ZNF227: variants seen among roughly 807,000 people sequenced by gnomAD.
ZNF227 encodes the protein zinc finger protein 227.
A neutral mutation model predicts 13.2 loss-of-function variants in ZNF227; 12 were observed. That is an observed-to-expected ratio of 0.91 (90% CI 0.58 to 1.47). ZNF227 has a LOEUF of 1.47. Among genes scored for constraint, ZNF227 ranks in the 40% most tolerant of loss-of-function variants. The pLI is 0.00. For synonymous variants in ZNF227, 338 were observed against 326.0 expected, an observed-to-expected ratio of 1.04 and a Z score of -0.40; for missense variants, 885 against 967.5, an observed-to-expected ratio of 0.91 and a Z score of 1.13.
chr19:44,230,995 C>G (rs1197448808), intron 5 of ZNF227, among the ~76,000 whole-genome samples: 1 of 144,418 alleles, frequency 6.9e-6, no homozygotes, highest in Non-Finnish European at 1.5e-5. Context: ...GTCCCAGCTA[C>G]TTGGGAGGAG....
chr19:44,231,239 G>C (rs547233722), intron 5 of ZNF227, among the ~76,000 whole-genome samples: 76 of 151,556 alleles, frequency 5.0e-4, no homozygotes, highest in African/African-American at 1.7e-3. Context: ...CTCAGCCTCC[G>C]AAGTTACTGG....
intron 3 of ZNF227, among the ~76,000 whole-genome samples, chr19:44,220,631 T>G (rs548430890): frequency 6.6e-6 from 1 of 152,278 alleles, no homozygotes; most frequent in South Asian, 2.1e-4. Context: ...CTAGTCCTAC[T>G]CACTGGATAT....
chr19:44,216,679 C>G (rs576332061), intron 2 of ZNF227, among the ~76,000 whole-genome samples: 1 of 64,514 alleles, frequency 1.6e-5, no homozygotes, highest in Non-Finnish European at 2.6e-5. Flanking sequence ...CTTGATTTTT[C>G]GTTTGTGCTT....
chr19:44,213,945 C>T (rs553855223), intron 2 of ZNF227, among the ~76,000 whole-genome samples: 2 of 152,304 alleles, frequency 1.3e-5, no homozygotes, highest in South Asian at 4.1e-4. Flanking sequence ...GCCATGTGTG[C>T]CCTAGGAGCA....
Position 44,233,778 on chromosome 19 carries a change from C to T in ZNF227, c.272-924C>T, listed in dbSNP as rs576995395. On this transcript the variant is annotated intron_variant, in intron 5 of 5. Coordinates refer to ENST00000313040, the MANE Select transcript of ZNF227 (RefSeq NM_182490.3). ...GAGTGTAGTGGCATGCGCCAGTAAT[C>T]CCCGCTACCCGGGAGGCTGAGGAGG... is the stretch of plus-strand genomic sequence containing the variant. Among the ~76,000 whole-genome samples, 9 of 152,206 alleles carry T rather than the reference C, an allele frequency of 5.9e-5. No individual in the cohort carries two copies. In the South Asian group the frequency reaches 1.5e-3, roughly 25 times the overall value.
At chr19:44,211,813 C>CTT (rs1176772105), upstream of ZNF227, among the ~76,000 whole-genome samples, 662 of 119,586 alleles carry the variant, frequency 5.5e-3, 4 homozygotes, top group Middle Eastern at 0.026. Flanking sequence ...TTCCTCTGCC[C>CTT]TTTTTTTTTT....
At chr19:44,231,670 A>G (rs1164929462) in intron 5 of ZNF227, among the ~76,000 whole-genome samples, 2 of 152,198 alleles carry the variant, frequency 1.3e-5, no homozygotes, top group African/African-American at 4.8e-5. Flanking sequence ...CAAAAAACTT[A>G]CAGAGAATGG....
At chr19:44,212,695 G>GGAGGCCGA (rs1971460864) in intron 1 of ZNF227, 110 bp downstream of exon 1, 1 of 152,254 alleles carries the variant, frequency 6.6e-6, no homozygotes, top group Admixed American at 6.5e-5. Flanking sequence ...CGGCCGCGGC[G>GGAGGCCGA]GAGGCCGAGA....
At position 44,222,312 on chromosome 19, in the gene ZNF227, A is replaced by G. The variant is rs535164249; in HGVS notation, c.60+4460A>G. Among the ~76,000 whole-genome samples, 7 of 152,304 alleles carry G rather than the reference A, an allele frequency of 4.6e-5. No homozygotes were observed. In the East Asian group the frequency reaches 1.3e-3, roughly 29 times the overall value. ...CTATTCTGTGAAGAAAGTCATTGGTAGCTTGATGGGGATGGCATTGAATCT... is the reference window on the plus strand; with the variant it reads ...CTATTCTGTGAAGAAAGTCATTGGTGGCTTGATGGGGATGGCATTGAATCT... On this transcript the variant is annotated intron_variant, in intron 3 of 5. Transcript: ENST00000313040.
intron 3 of ZNF227, among the ~76,000 whole-genome samples, chr19:44,223,756 C>CTATT (rs982950552): frequency 2.6e-4 from 40 of 152,076 alleles, no homozygotes; most frequent in Middle Eastern, 3.4e-3. Flanking sequence ...TTTTGTGTCT[C>CTATT]TATTTCCTTC....
chr19:44,211,211 AACAACAACAACAAC>A (rs1332367489), upstream of ZNF227, among the ~76,000 whole-genome samples: 2 of 51,698 alleles, frequency 3.9e-5, no homozygotes, highest in Admixed American at 2.3e-4. Flanking sequence ...TAACAACAAC[AACAACAACAACAAC>A]AACAAAACAG....
Position 44,235,535 on chromosome 19 carries a change from T to C in ZNF227, c.1105T>C (p.Cys369Arg), listed in dbSNP as rs2122976770. 1 of 1,614,104 alleles carries C rather than the reference T, an allele frequency of 6.2e-7. No individual in the cohort carries two copies. Among genetic ancestry groups the C allele is most frequent in the South Asian group, 1.1e-5 (1 of 91,076 alleles). ...CTTTAGTCAAAGTTCAAATTTTCAG[T>C]GCCATCAGAGAGTCCACACTGAAGA... ...KCFSQSSNFQ[C>R]HQRVHTEEKP... Residue 369 changes from cysteine to arginine, a missense_variant, in exon 6 of 6, where the codon TGC (cysteine) becomes CGC (arginine). Transcript: ENST00000313040.
upstream of ZNF227, among the ~76,000 whole-genome samples, chr19:44,212,245 A>C (rs952781943): frequency 2.6e-5 from 4 of 151,936 alleles, no homozygotes; most frequent in African/African-American, 9.7e-5. Context: ...CACTGACATC[A>C]GAGAACTGCT....
chr19:44,211,571 C>T (rs1470661115), upstream of ZNF227, among the ~76,000 whole-genome samples: 1 of 152,086 alleles, frequency 6.6e-6, no homozygotes, highest in Non-Finnish European at 1.5e-5. Flanking sequence ...TTACAGAGGC[C>T]CTAGTTGCTT....
At position 44,236,347 on chromosome 19, in the gene ZNF227, G is replaced by A; in HGVS notation, c.1917G>A (p.Lys639=). The A allele has an allele frequency of 6.2e-7, 1 of 1,614,158 alleles. No individual in the cohort carries two copies. Among genetic ancestry groups the A allele is most frequent in the African/African-American group, 1.3e-5 (1 of 75,028 alleles). ...EKPYKCGVCG[K]GFSQSSGLQS... ...CATACAAATGTGGTGTCTGTGGTAA[G>A]GGCTTCAGTCAGTCCTCTGGTCTTC... The change falls in exon 6 of 6, where the codon AAG becomes AAA. Residue 639 remains lysine, a synonymous_variant. Coordinates refer to ENST00000313040, the MANE Select transcript of ZNF227 (RefSeq NM_182490.3).
At chr19:44,218,834 CAA>C (rs2122714334) in intron 3 of ZNF227, among the ~76,000 whole-genome samples, 1 of 152,314 alleles carries the variant, frequency 6.6e-6, no homozygotes, top group South Asian at 2.1e-4. Context: ...GCAGACAGAA[CAA>C]AAGAGTTTTC....
upstream of ZNF227, among the ~76,000 whole-genome samples, chr19:44,210,175 T>C (rs937690000): frequency 6.6e-6 from 1 of 152,256 alleles, no homozygotes; most frequent in Non-Finnish European, 1.5e-5. Flanking sequence ...TTGCATAGTC[T>C]TCTAGTTTTT....
At chr19:44,226,829 C>T (rs1363928719) in intron 3 of ZNF227, among the ~76,000 whole-genome samples, 1 of 152,188 alleles carries the variant, frequency 6.6e-6, no homozygotes, top group Non-Finnish European at 1.5e-5. Context: ...AACCCAGTAC[C>T]TCAGATGGAA....
chr19:44,236,455 T>C lies in ZNF227; in HGVS notation c.2025T>C (p.Phe675=), dbSNP rs1974517502. The change falls in exon 6 of 6, where the codon TTT becomes TTC. Residue 675 remains phenylalanine (F), a synonymous_variant. Transcript: ENST00000313040. ...CGKGFRYSSQ[F]IYHQRGHTGE... is the part of the protein sequence containing the mutation. Reference sequence around the variant, plus strand: ...AGGGCTTTAGATACAGTTCGCAGTTTATATACCATCAGAGAGGCCACACTG... The same window carrying C: ...AGGGCTTTAGATACAGTTCGCAGTTCATATACCATCAGAGAGGCCACACTG... 1 of 1,613,768 alleles carries C rather than the reference T, an allele frequency of 6.2e-7. No individual in the cohort carries two copies. Among genetic ancestry groups the C allele is most frequent in the African/African-American group, 1.3e-5 (1 of 74,802 alleles).
Sources: gnomAD v4.1 joint callset for allele counts (sites outside exome capture counted in the v4.1 genomes callset) on GRCh38, gnomAD v4.1.1 for gene constraint, MANE v1.5 for transcripts, NCBI Gene and HGNC (gene_info 2026-07-23, HGNC 2026-07-21) for gene names.